CEACAM20: variants seen among roughly 807,000 people sequenced by gnomAD.
CEACAM20 encodes cell adhesion molecule CEACAM20.
A neutral mutation model predicts 61.2 loss-of-function variants in CEACAM20; 50 were observed. The ratio of observed to expected loss-of-function variants is 0.82; its 90% confidence interval spans 0.65 to 1.03. The LOEUF (loss-of-function observed/expected upper bound fraction) is 1.03. CEACAM20 is among the 50% of genes least tolerant of loss of function. CEACAM20 has a pLI of 0.00. For synonymous variants in CEACAM20, 282 were observed against 287.7 expected (o/e 0.98, Z 0.20); for missense variants, 683 against 736.4 (o/e 0.93, Z 0.84).
Position 44,525,275 on chromosome 19 carries a change from G to C in CEACAM20, c.53-31C>G, listed in dbSNP as rs902950541. 3.9e-6 allele frequency: 6 copies of C among 1,549,690 alleles called. No individual in the cohort carries two copies. In the African/African-American group the frequency reaches 8.4e-5, roughly 22 times the overall value. On this transcript the variant is annotated intron_variant, in intron 1 of 11. Transcript: ENST00000614924. Reference sequence around the variant, plus strand: ...AGGGGAGAGAGGAGGCATTCAGGGAGGGAGAGGTGTGTTGGGGGTTGCCCG... The same window carrying C: ...AGGGGAGAGAGGAGGCATTCAGGGACGGAGAGGTGTGTTGGGGGTTGCCCG...
At chr19:44,513,084 T>G in intron 7 of CEACAM20, 88 bp downstream of exon 7, 2 of 1,314,292 alleles carry the variant, frequency 1.5e-6, no homozygotes. Context: ...CAGACAAGAC[T>G]CAGCACCATG....
intron 6 of CEACAM20, among the ~76,000 whole-genome samples, chr19:44,515,333 G>C (rs1017407827): frequency 6.6e-6 from 1 of 152,042 alleles, no homozygotes; most frequent in Non-Finnish European, 1.5e-5. Flanking sequence ...CAATATCCCC[G>C]TGAGCATCAA....
intron 3 of CEACAM20, among the ~76,000 whole-genome samples, chr19:44,523,188 T>A (rs1344080347): frequency 6.6e-6 from 1 of 151,888 alleles, no homozygotes; most frequent in Non-Finnish European, 1.5e-5. Flanking sequence ...GCAAGAGAAT[T>A]GCTTGGAGCA....
chr19:44,521,715 T>G (rs1234596857), intron 4 of CEACAM20, among the ~76,000 whole-genome samples: 3 of 152,080 alleles, frequency 2.0e-5, no homozygotes, highest in Non-Finnish European at 4.4e-5. Context: ...CTCTGTTGTG[T>G]GCATGCTATA....
intron 6 of CEACAM20, among the ~76,000 whole-genome samples, chr19:44,516,694 C>T (rs1298321174): frequency 6.6e-6 from 1 of 152,186 alleles, no homozygotes; most frequent in Admixed American, 6.5e-5. Flanking sequence ...ACATCACAAA[C>T]CCAATTTACA....
At chr19:44,525,303 T>C in intron 1 of CEACAM20, 59 bp from the exon 2 acceptor site, 1 of 1,493,564 alleles carries the variant, frequency 6.7e-7, no homozygotes, top group Non-Finnish European at 8.9e-7. Context: ...GTTGCCCGGC[T>C]AAGGTCTTCA....
intron 4 of CEACAM20, 97 bp from the exon 5 acceptor site, chr19:44,520,849 T>A: frequency 3.5e-6 from 1 of 282,868 alleles, no homozygotes. Context: ...TGCGTGCGTG[T>A]GTGTGTGTGT....
At chr19:44,513,416 G>T in intron 6 of CEACAM20, 127 bp from the exon 7 acceptor site, 2 of 584,918 alleles carry the variant, frequency 3.4e-6, no homozygotes, top group African/African-American at 1.9e-5. Flanking sequence ...GTCGTTGGGA[G>T]GTATCAGATT....
Position 44,524,172 on chromosome 19 carries a change from T to C in CEACAM20, c.286A>G (p.Asn96Asp). ...VTFYCTTKDV[N>D]ITIHWVSNNL... ...TTGGAAACCCAGTGGATGGTAATGT[T>C]GACGTCCTTAGTGGTGCAGTAGAAG... Residue 96 changes from asparagine (N) to aspartate (D), a missense_variant, in exon 3 of 12, where the codon AAC becomes GAC. By Grantham distance (23) the Asn-to-Asp change is conservative. Transcript: ENST00000614924. The C allele has an allele frequency of 6.2e-7, 1 of 1,613,998 alleles. No individual in the cohort carries two copies. The highest frequency in any genetic ancestry group is 8.5e-7 in the Non-Finnish European group (1 of 1,179,884).
intron 6 of CEACAM20, among the ~76,000 whole-genome samples, chr19:44,516,471 C>T (rs1303125861): frequency 6.6e-6 from 1 of 152,172 alleles, no homozygotes; most frequent in Non-Finnish European, 1.5e-5. Context: ...GAATAAGTCT[C>T]ACGAGATCTG....
intron 1 of CEACAM20, among the ~76,000 whole-genome samples, chr19:44,527,876 T>C (rs1443158136): frequency 6.6e-6 from 1 of 152,216 alleles, no homozygotes; most frequent in Admixed American, 6.5e-5. Context: ...TATTCTAGTT[T>C]CTGCCTTTTG....
intron 4 of CEACAM20, among the ~76,000 whole-genome samples, chr19:44,521,489 CAT>C (rs1194890594): frequency 2.0e-5 from 3 of 151,466 alleles, no homozygotes; most frequent in East Asian, 1.9e-4. Flanking sequence ...TTTTGTATGT[CAT>C]GTGTGTTGTA....
rs199955865 is a variant in CEACAM20 at position 44,512,868 on chromosome 19, C to T, written c.1513G>A (p.Glu505Lys). The T allele has an allele frequency of 4.9e-5, 79 of 1,612,932 alleles. No individual in the cohort carries two copies. In the African/African-American group the frequency reaches 9.1e-4, roughly 19 times the overall value. The part of the protein sequence containing the change: ...KEEHPTEPSS[E>K]SLSPEYRNIS... ...CATCAGCCACCATAGAGTCACTTAC[C>T]GGAACTGGGCTCTGTGGGGTGCTCC... Residue 505 changes from glutamate (E) to lysine (K), a missense_variant and splice_region_variant, in exon 8 of 12, where the codon GAA becomes AAA. Transcript: ENST00000614924.
In CEACAM20 at chr19:44,522,903, T is replaced by A; in HGVS notation, c.482A>T (p.Asp161Val). ...AGACTCCAATTTGATTTCAACAGGA[T>A]CAGGACCATCTGAGAGGACAGGAAC... ...PIFLDVKYGP[D>V]PVEIKLESGV... The change falls in exon 4 of 12, where the codon GAT (aspartate) becomes GTT (valine). Residue 161 changes from aspartate to valine, a missense_variant. By Grantham distance (152) the Asp-to-Val change is radical (BLOSUM62 -3). Transcript: ENST00000614924. 6.2e-7 allele frequency: 1 copy of A among 1,601,904 alleles called. No homozygotes were observed. Among genetic ancestry groups the A allele is most frequent in the Non-Finnish European group, 8.5e-7 (1 of 1,174,630 alleles).
intron 5 of CEACAM20, among the ~76,000 whole-genome samples, chr19:44,518,219 A>G (rs762727932): frequency 9.6e-6 from 1 of 104,652 alleles, no homozygotes; most frequent in African/African-American, 5.7e-5. Context: ...GGAAGGAAGG[A>G]GAGAGAGAGA....
At chr19:44,512,647 T>G (rs1971035947) in intron 8 of CEACAM20, among the ~76,000 whole-genome samples, 1 of 152,376 alleles carries the variant, frequency 6.6e-6, no homozygotes, top group Admixed American at 6.5e-5. Flanking sequence ...AATTCCAGCC[T>G]GTTGTCCTGC....
At chr19:44,506,630 TGTG>T (rs1412857751) in intron 11 of CEACAM20, among the ~76,000 whole-genome samples, 8 of 152,334 alleles carry the variant, frequency 5.3e-5, no homozygotes, top group South Asian at 2.1e-4. Flanking sequence ...GTGAGCTGCC[TGTG>T]GAGAGGGCCA....
intron 11 of CEACAM20, among the ~76,000 whole-genome samples, chr19:44,510,556 GA>G (rs768078609): frequency 3.4e-5 from 1 of 29,174 alleles, no homozygotes; most frequent in South Asian, 2.5e-3. Context: ...AGGAAAGAAA[GA>G]AAGAAAGAAA....
At position 44,513,272 on chromosome 19, in the gene CEACAM20, G is replaced by A. The variant is rs1971061041; in HGVS notation, c.1327C>T (p.Leu443=). The A allele has an allele frequency of 6.2e-7, 1 of 1,613,542 alleles. No homozygotes were observed. The highest frequency in any genetic ancestry group is 1.1e-5 in the South Asian group (1 of 91,068). The change falls in exon 7 of 12, where the codon CTG becomes TTG. Residue 443 remains leucine, a synonymous_variant. Transcript: ENST00000614924. Reference sequence around the variant, plus strand: ...ATACCAGCGATGGCCCCTGAGGACAGGGAGGAGGACTGGGGACCTGGGCAA... The same window carrying A: ...ATACCAGCGATGGCCCCTGAGGACAAGGAGGAGGACTGGGGACCTGGGCAA... ...VKVVGPQSSS[L]SSGAIAGIVI...
Sources: allele counts gnomAD v4.1 joint callset (sites outside exome capture counted in the v4.1 genomes callset), GRCh38; gene constraint gnomAD v4.1.1; transcripts MANE v1.5; gene names NCBI Gene and HGNC (gene_info 2026-07-23, HGNC 2026-07-21).